The following UACA variants were observed in gnomAD, a reference collection of about 807,000 sequenced individuals.
UACA encodes the protein nuclear membrane binding protein.
Under a neutral mutation model 160.5 loss-of-function variants are expected in UACA, and 112 were observed. The observed-to-expected ratio is 0.70, with a 90% CI of 0.60 to 0.82. The LOEUF (loss-of-function observed/expected upper bound fraction) is 0.82, where lower values mean the gene tolerates loss of function less well. UACA is among the 40% of genes least tolerant of loss of function. The probability of loss-of-function intolerance (pLI) is 0.00; values close to 1 mark genes in which losing one functional copy is unlikely to be tolerated. For missense variants in UACA, 1,574 were observed against 1,614.6 expected (o/e 0.97, Z 0.43); for synonymous variants, 557 against 568.4 (o/e 0.98, Z 0.29).
rs749239182 is a variant in UACA at position 70,676,527 on chromosome 15, A to G, written c.1097T>C (p.Ile366Thr). 13 of 1,612,682 alleles carry G rather than the reference A, an allele frequency of 8.1e-6. No individual in the cohort carries two copies. The highest frequency in any genetic ancestry group is 4.5e-5 in the East Asian group (2 of 44,756). Residue 366 changes from isoleucine to threonine, a missense_variant, in exon 13 of 19, where the codon ATT becomes ACT. Transcript: ENST00000322954. The stretch of plus-strand genomic sequence containing the variant: ...TTTAAATCTATTTTTCAGAGCCTCA[A>G]TAGTCCTTAAGCTTTCTTCATGTTG... ...EKQHEESLRT[I>T]EALKNRFKYF...
chr15:70,662,749 CA>C (rs1179037201), intron 17 of UACA, among the ~76,000 whole-genome samples: 4 of 152,182 alleles, frequency 2.6e-5, no homozygotes, highest in African/African-American at 9.7e-5. Flanking sequence ...CTGACAAAAA[CA>C]AGAAATGGGG....
rs767439854 is a variant in UACA at position 70,667,201 on chromosome 15, G to A, written c.3483C>T (p.Asn1161=). Residue 1161 remains asparagine (N), a synonymous_variant, in exon 16 of 19, where the codon AAC becomes AAT. Transcript: ENST00000322954. The part of the protein sequence containing the change: ...KLHQLLENQK[N]SSVPLAEHLQ... ...AATGCTCTGCCAGGGGTACAGAAGA[G>A]TTCTTTTGATTCTCCAACAATTGAT... 8 of 1,613,844 alleles carry A rather than the reference G, an allele frequency of 5.0e-6. No homozygotes were observed. In the South Asian group the frequency reaches 7.7e-5, roughly 16 times the overall value.
At chr15:70,764,387 G>C (rs1197234410), upstream of UACA, among the ~76,000 whole-genome samples, 1 of 152,166 alleles carries the variant, frequency 6.6e-6, no homozygotes, top group Non-Finnish European at 1.5e-5. Context: ...AGAAATCTGG[G>C]TTAGTAAAAA....
intron 5 of UACA, among the ~76,000 whole-genome samples, chr15:70,688,926 TCTC>T (rs1468212987): frequency 6.6e-6 from 1 of 152,196 alleles, no homozygotes; most frequent in Non-Finnish European, 1.5e-5. Context: ...CAAAATTTGT[TCTC>T]CTCTTCTTCT....
intron 1 of UACA, among the ~76,000 whole-genome samples, chr15:70,744,366 T>G (rs1899635549): frequency 6.6e-6 from 1 of 150,624 alleles, no homozygotes; most frequent in Non-Finnish European, 1.5e-5. Context: ...ACAGTCCCCA[T>G]CCCTACCACA....
intron 1 of UACA, among the ~76,000 whole-genome samples, chr15:70,743,906 A>G (rs1899613913): frequency 6.6e-6 from 1 of 152,178 alleles, no homozygotes; most frequent in Non-Finnish European, 1.5e-5. Flanking sequence ...AGGCCAAATG[A>G]AAAACTAGGT....
In UACA at chr15:70,690,487, C is replaced by A; in HGVS notation, c.391G>T (p.Asp131Tyr). 1 of 1,613,024 alleles carries A rather than the reference C, an allele frequency of 6.2e-7. No individual in the cohort carries two copies. Among genetic ancestry groups the A allele is most frequent in the Non-Finnish European group, 8.5e-7 (1 of 1,179,512 alleles). The change falls in exon 5 of 19, where the codon GAC becomes TAC. Residue 131 changes from aspartate (D) to tyrosine (Y), a missense_variant. Asp to Tyr is a radical substitution (Grantham distance 160). Transcript: ENST00000322954. ...TGAAGTGCAGTTCTTCCCTGCAGGT[C>A]TGCATGCTCAGTGGGACAATTGTAC... ...LQYNCPTEHADLQGRTALHDA... is the reference protein window; with the variant it reads ...LQYNCPTEHAYLQGRTALHDA...
Position 70,667,658 on chromosome 15 carries a change from A to G in UACA, c.3026T>C (p.Leu1009Ser). 1.9e-6 allele frequency: 3 copies of G among 1,613,254 alleles called. No individual in the cohort carries two copies. Among genetic ancestry groups the G allele is most frequent in the Non-Finnish European group, 2.5e-6 (3 of 1,179,946 alleles). Reference sequence around the variant, plus strand: ...ACTATACTTTTGTGTCTGCTCTGATAACTGGTCTTTTAGTTCTTTCTCTGT... The same window carrying G: ...ACTATACTTTTGTGTCTGCTCTGATGACTGGTCTTTTAGTTCTTTCTCTGT... ...KATEKELKDQ[L>S]SEQTQKYSVS... The change falls in exon 16 of 19, where the codon TTA becomes TCA. Residue 1009 changes from leucine (L) to serine (S), a missense_variant. Leu to Ser is a moderately radical substitution (Grantham distance 145). Coordinates refer to ENST00000322954, the MANE Select transcript of UACA (RefSeq NM_018003.4).
At chr15:70,738,817 G>A (rs899231559) in intron 1 of UACA, among the ~76,000 whole-genome samples, 4 of 152,190 alleles carry the variant, frequency 2.6e-5, no homozygotes, top group African/African-American at 9.6e-5. Context: ...TGACTCTGCA[G>A]GTCAACTGAG....
intron 1 of UACA, among the ~76,000 whole-genome samples, chr15:70,759,754 T>C (rs909448601): frequency 1.3e-5 from 2 of 152,166 alleles, no homozygotes; most frequent in Non-Finnish European, 2.9e-5. Context: ...AAAGGACTAA[T>C]CCACAAATGT....
the UACA span, among the ~76,000 whole-genome samples, chr15:70,775,520 C>T: frequency 6.7e-6 from 1 of 149,308 alleles, no homozygotes; most frequent in Non-Finnish European, 1.5e-5. Flanking sequence ...AAAAAAGGAA[C>T]ACCGGGCATG....
At chr15:70,750,616 C>T (rs745461620) in intron 1 of UACA, among the ~76,000 whole-genome samples, 2 of 152,140 alleles carry the variant, frequency 1.3e-5, no homozygotes, top group Non-Finnish European at 2.9e-5. Flanking sequence ...CCTATAATCC[C>T]AAAACTTCAA....
chr15:70,694,076 G>A (rs74021838), intron 3 of UACA, among the ~76,000 whole-genome samples: 2,020 of 152,074 alleles, frequency 0.013, 44 homozygotes, highest in African/African-American at 0.046. Flanking sequence ...TGGAATCACA[G>A]GATAAAAAAC....
intron 1 of UACA, among the ~76,000 whole-genome samples, chr15:70,704,272 AT>A (rs1294778798): frequency 6.6e-6 from 1 of 152,200 alleles, no homozygotes; most frequent in Non-Finnish European, 1.5e-5. Context: ...TGTAACACAC[AT>A]TTACCAGCAA....
rs1256034065 is a variant in UACA at position 70,666,980 on chromosome 15, T to A, written c.3704A>T (p.Asp1235Val). ...DLSKYKATKS[D>V]LETQISSLNE... ...TAAGCTAGAAATCTGTGTCTCCAAA[T>A]CACTTTTTGTTGCTTTATATTTAGA... The change falls in exon 16 of 19, where the codon GAT (aspartate) becomes GTT (valine). Residue 1235 changes from aspartate to valine, a missense_variant. Physicochemically the swap from Asp to Val is radical, Grantham distance 152 (BLOSUM62 -3). Transcript: ENST00000322954. 6.2e-7 allele frequency: 1 copy of A among 1,612,824 alleles called. No homozygotes were observed. The highest frequency in any genetic ancestry group is 1.7e-5 in the Admixed American group (1 of 59,786).
Position 70,738,009 on chromosome 15 carries a change from C to T in UACA, c.78+25321G>A, listed in dbSNP as rs149170685. Among the ~76,000 whole-genome samples, 20 of 152,228 alleles carry T rather than the reference C, an allele frequency of 1.3e-4. No individual in the cohort carries two copies. In the East Asian group the frequency reaches 1.5e-3, roughly 12 times the overall value. On this transcript the variant is annotated intron_variant, in intron 1 of 18. Transcript: ENST00000322954. ...TTGTGATTCCCTTCCTACATCTTTC[C>T]GGGACTTCCCATTAATGTTTTGAGG...
chr15:70,747,304 C>T (rs112474401), intron 1 of UACA, among the ~76,000 whole-genome samples: 21 of 133,376 alleles, frequency 1.6e-4, no homozygotes, highest in African/African-American at 5.3e-4. Context: ...AGTGCAGTGG[C>T]GTTATCTTGG....
intron 8 of UACA, 129 bp from the exon 9 acceptor site, chr15:70,682,924 T>G: frequency 2.0e-6 from 1 of 493,040 alleles, no homozygotes. Context: ...AGCTTACAAC[T>G]TTTTAGTTTT....
intron 1 of UACA, among the ~76,000 whole-genome samples, chr15:70,744,248 CAA>C (rs5813608): frequency 1.4e-4 from 9 of 64,726 alleles, no homozygotes; most frequent in Non-Finnish European, 1.3e-4. Flanking sequence ...GACTCTGTCT[CAA>C]AAAAAAAAAA....
Sources: allele counts gnomAD v4.1 joint callset (sites outside exome capture counted in the v4.1 genomes callset), GRCh38; gene constraint gnomAD v4.1.1; transcripts MANE v1.5; gene names NCBI Gene and HGNC (gene_info 2026-07-23, HGNC 2026-07-21).